TAPBPL: variants seen among roughly 807,000 people sequenced by gnomAD.
The protein encoded by TAPBPL is tapasin-related protein.
Under a neutral mutation model 44.8 loss-of-function variants are expected in TAPBPL, and 32 were observed. That is an observed-to-expected ratio of 0.71 (90% CI 0.54 to 0.96). The LOEUF is 0.96. Ranked by LOEUF, TAPBPL falls within the 40% of genes least tolerant of loss-of-function variation. The pLI, the probability that TAPBPL is intolerant of heterozygous loss-of-function variation, is 0.00. For missense variants in TAPBPL, 520 were observed against 586.6 expected (o/e 0.89, Z 1.17); for synonymous variants, 230 against 240.7 (o/e 0.96, Z 0.41).
At chr12:6,458,997 T>G (rs1447894271) in intron 5 of TAPBPL, 50 bp downstream of exon 5, 2 of 1,576,362 alleles carry the variant, frequency 1.3e-6, no homozygotes, top group Non-Finnish European at 1.7e-6. Context: ...GGCTCATGGC[T>G]CTCCTGCCCC....
rs528810200 is a variant in TAPBPL, at chr12:6,457,518, G to A, written c.678G>A (p.Glu226=). 5.6e-6 allele frequency: 9 copies of A among 1,614,260 alleles called. No individual in the cohort carries two copies. The South Asian group carries it at 9.9e-5, about 18-fold the overall frequency. Residue 226 remains glutamate, a synonymous_variant, in exon 4 of 7, where the codon GAG becomes GAA. Coordinates refer to ENST00000266556, the MANE Select transcript of TAPBPL (RefSeq NM_018009.5). The part of the protein sequence containing the change: ...MAPGLDLISV[E]WRLQHKGRGQ... ...CGGGCTTGGACCTCATCAGTGTGGA[G>A]TGGCGACTGCAGCACAAGGGCAGGG... is the stretch of plus-strand genomic sequence containing the variant.
downstream of TAPBPL, among the ~76,000 whole-genome samples, chr12:6,465,634 T>C (rs1181014875): frequency 3.3e-5 from 5 of 151,846 alleles, no homozygotes; most frequent in African/African-American, 1.2e-4. Context: ...TTTTCCCTGA[T>C]AGCGGTTCTA....
At chr12:6,471,216 T>C (rs1407942952), downstream of TAPBPL, among the ~76,000 whole-genome samples, 2 of 152,218 alleles carry the variant, frequency 1.3e-5, no homozygotes, top group African/African-American at 4.8e-5. The surrounding 1 kb of genome is among the most constrained non-coding windows in gnomAD (Gnocchi z 4.0). Flanking sequence ...AGATACCGGA[T>C]GCGGGGTTCC....
intron 5 of TAPBPL, 86 bp downstream of exon 5, chr12:6,459,033 G>A: frequency 6.9e-7 from 1 of 1,458,338 alleles, no homozygotes; most frequent in Non-Finnish European, 9.2e-7. Context: ...TTGTTCTGCT[G>A]CCCATCCACT....
At chr12:6,455,442 A>G (rs1044563479) in intron 3 of TAPBPL, among the ~76,000 whole-genome samples, 22 of 152,172 alleles carry the variant, frequency 1.4e-4, no homozygotes, top group African/African-American at 4.8e-4. Context: ...AATATTTCAG[A>G]ACAAAAATAA....
At position 6,458,957 on chromosome 12, in the gene TAPBPL, G is replaced by T. The variant is rs998017728; in HGVS notation, c.1207+10G>T. The T allele has an allele frequency of 6.2e-7, 1 of 1,610,362 alleles. No individual in the cohort carries two copies. The highest frequency in any genetic ancestry group is 1.3e-5 in the African/African-American group (1 of 74,972). The stretch of plus-strand genomic sequence containing the variant: ...CAGGTTGTCCCACCAGGTACTGGGA[G>T]TGTCCTCCTTTTCCCCACCTCCACA... On this transcript the variant is annotated intron_variant, in intron 5 of 6. Coordinates refer to ENST00000266556, the MANE Select transcript of TAPBPL (RefSeq NM_018009.5).
chr12:6,460,324 G>C (rs545669239), intron 5 of TAPBPL, among the ~76,000 whole-genome samples: 2 of 152,130 alleles, frequency 1.3e-5, no homozygotes, highest in South Asian at 4.2e-4. Flanking sequence ...GGAGTGCAGT[G>C]GCACGATCTC....
rs759829261 is a variant in TAPBPL, at chr12:6,453,408, C to T, written c.296-39C>T. The T allele has an allele frequency of 2.9e-5, 46 of 1,610,862 alleles. No individual in the cohort carries two copies. In the Admixed American group the frequency reaches 5.5e-4, roughly 19 times the overall value. ...CCTCCCGTTGGCCCTGGTGTTCTCA[C>T]GCTAATTTGCCCTCTGTGTGTGCCC... On this transcript the variant is annotated intron_variant, in intron 2 of 6. Transcript: ENST00000266556. The surrounding 1 kb of genome is among the most constrained non-coding windows in gnomAD (Gnocchi z 4.8).
In TAPBPL at chr12:6,459,049, C is replaced by T. The variant is rs542957955; in HGVS notation, c.1207+102C>T. ...TGTTCTGCTGCCCATCCACTTTGTTCGCAGCCCTGGCTTCATGCTCCTGCC... is the reference window on the plus strand; with the variant it reads ...TGTTCTGCTGCCCATCCACTTTGTTTGCAGCCCTGGCTTCATGCTCCTGCC... On this transcript the variant is annotated intron_variant, in intron 5 of 6. Coordinates refer to ENST00000266556, the MANE Select transcript of TAPBPL (RefSeq NM_018009.5). 1.5e-3 allele frequency: 1,988 copies of T among 1,358,572 alleles called. 6 individuals carry two copies. Among genetic ancestry groups the T allele is most frequent in the Non-Finnish European group, 1.8e-3 (1,823 of 1,006,054 alleles). 84.2% of individuals were successfully genotyped at this position (1,358,572 alleles called of 1,614,324 possible). A position where few individuals can be genotyped will look rare whatever the true frequency, so the allele number is the denominator to read the frequency against.
chr12:6,460,712 G>A (rs754632114), intron 5 of TAPBPL, 143 bp from the exon 6 acceptor site: 19 of 686,028 alleles, frequency 2.8e-5, no homozygotes, highest in Admixed American at 7.9e-5. Flanking sequence ...AAATGCTGCT[G>A]AGTGCCTTGT....
At chr12:6,459,040 C>CA in intron 5 of TAPBPL, 93 bp downstream of exon 5, 1 of 1,424,956 alleles carries the variant, frequency 7.0e-7, no homozygotes, top group South Asian at 1.3e-5. Flanking sequence ...GCTGCCCATC[C>CA]ACTTTGTTCG....
rs1483745123 is a variant in TAPBPL, at chr12:6,453,637, C to T, written c.486C>T (p.Pro162=). ...GPSISLVMKT[P]RVTKNEALWH... ...GCATCTCCTTGGTGATGAAGACTCC[C>T]AGGGTCACCAAGAATGAGGCGCTCT... The change falls in exon 3 of 7, where the codon CCC becomes CCT. Residue 162 remains proline (P), a synonymous_variant. Coordinates refer to ENST00000266556, the MANE Select transcript of TAPBPL (RefSeq NM_018009.5). This position sits in a 1 kb window ranked among gnomAD's most constrained non-coding sequence, Gnocchi z 4.8. 2 of 1,614,026 alleles carry T rather than the reference C, an allele frequency of 1.2e-6. No individual in the cohort carries two copies. Among genetic ancestry groups the T allele is most frequent in the Admixed American group, 1.7e-5 (1 of 60,004 alleles).
At chr12:6,466,084 C>A (rs1950017288), downstream of TAPBPL, 1 of 1,611,382 alleles carries the variant, frequency 6.2e-7, no homozygotes, top group Non-Finnish European at 8.5e-7. Context: ...ACAAGTCTGG[C>A]CCTGTGCAAC....
rs1465166682 is a variant in TAPBPL at position 6,453,524 on chromosome 12, T to G, written c.373T>G (p.Ser125Ala). Residue 125 changes from serine (S) to alanine (A), a missense_variant, in exon 3 of 7, where the codon TCC (serine) becomes GCC (alanine). By Grantham distance (99) the Ser-to-Ala change is moderately conservative. Coordinates refer to ENST00000266556, the MANE Select transcript of TAPBPL (RefSeq NM_018009.5). The surrounding 1 kb of genome is among the most constrained non-coding windows in gnomAD (Gnocchi z 4.8). ...CSGKEVTCEI[S>A]RYFLQMTETT... The stretch of plus-strand genomic sequence containing the variant: ...TGGGAAGGAGGTGACCTGTGAGATC[T>G]CCCGCTACTTTCTCCAGATGACAGA... The G allele has an allele frequency of 6.2e-7, 1 of 1,614,012 alleles. No homozygotes were observed. The highest frequency in any genetic ancestry group is 2.2e-5 in the East Asian group (1 of 44,888).
chr12:6,459,572 G>C (rs1410276919), intron 5 of TAPBPL, among the ~76,000 whole-genome samples: 1 of 152,098 alleles, frequency 6.6e-6, no homozygotes, highest in Non-Finnish European at 1.5e-5. Flanking sequence ...AGATGTCAAT[G>C]AATTTGCCCA....
chr12:6,461,977 C>T (rs980151204), intron 6 of TAPBPL, 57 bp from the exon 7 acceptor site: 1 of 1,445,726 alleles, frequency 6.9e-7, no homozygotes, highest in African/African-American at 1.4e-5. Context: ...GGAACCTGTG[C>T]TTGTTTGCCA....
rs769789341 is a variant in TAPBPL at position 6,460,957 on chromosome 12, T to C, written c.1291+19T>C. On this transcript the variant is annotated intron_variant, in intron 6 of 6. Coordinates refer to ENST00000266556, the MANE Select transcript of TAPBPL (RefSeq NM_018009.5). ...CGGCAAGGTAAGAGCCTGGGTGCCC[T>C]TGGCTCTGGCCCTGGCCCACCTCAC... The C allele has an allele frequency of 8.7e-6, 14 of 1,613,736 alleles. No individual in the cohort carries two copies. The East Asian group carries it at 2.0e-4, about 23-fold the overall frequency.
downstream of TAPBPL, chr12:6,465,295 T>C (rs1218739615): frequency 7.8e-6 from 3 of 386,288 alleles, no homozygotes; most frequent in Non-Finnish European, 1.5e-5. Flanking sequence ...TTCTCAAAAG[T>C]TGCAGTTATT....
At chr12:6,455,905 C>T (rs1227763252) in intron 3 of TAPBPL, among the ~76,000 whole-genome samples, 1 of 151,796 alleles carries the variant, frequency 6.6e-6, no homozygotes, top group Non-Finnish European at 1.5e-5. Flanking sequence ...GGATTATAGA[C>T]GCCCGCCACC....
Sources: allele counts gnomAD v4.1 joint callset (sites outside exome capture counted in the v4.1 genomes callset), GRCh38; gene constraint gnomAD v4.1.1; non-coding constraint Gnocchi (gnomAD v3.1); transcripts MANE v1.5; gene names NCBI Gene and HGNC (gene_info 2026-07-23, HGNC 2026-07-21).